The following CACNA1D variants were observed in gnomAD, a reference collection of about 807,000 sequenced individuals.
CACNA1D encodes the protein voltage-dependent L-type calcium channel subunit alpha-1D.
A neutral mutation model predicts 257.1 loss-of-function variants in CACNA1D; 55 were observed. That is an observed-to-expected ratio of 0.21 (90% CI 0.17 to 0.27). The LOEUF is 0.27. CACNA1D is among the 10% of genes least tolerant of loss of function. CACNA1D has a pLI of 1.00. For missense variants in CACNA1D, 1,876 were observed against 2,784.0 expected, an observed-to-expected ratio of 0.67 and a Z score of 7.34; for synonymous variants, 980 against 1,014.9, an observed-to-expected ratio of 0.97 and a Z score of 0.65.
chr3:53,781,523 C>A, intron 38 of CACNA1D, 43 bp from the exon 39 acceptor site: 1 of 1,332,396 alleles, frequency 7.5e-7, no homozygotes, highest in Non-Finnish European at 1.1e-6. Context: ...AGCTGGGGAA[C>A]AGAAATGAGG....
At position 53,495,257 on chromosome 3, in the gene CACNA1D, C is replaced by G; in HGVS notation, c.67+24C>G. 1.2e-6 allele frequency: 2 copies of G among 1,613,202 alleles called. No individual in the cohort carries two copies. Among genetic ancestry groups the G allele is most frequent in the Non-Finnish European group, 1.7e-6 (2 of 1,179,942 alleles). ...CGGTGAGCAGCCAGAGCCCGGGCAC[C>G]CGCTGCCAAATCCGATCCTGTCATG... On this transcript the variant is annotated intron_variant, in intron 1 of 47. Coordinates refer to ENST00000350061, the MANE Select transcript of CACNA1D (RefSeq NM_001128840.3). The surrounding 1 kb of genome is among the most constrained non-coding windows in gnomAD (Gnocchi z 5.1).
chr3:53,614,104 C>T (rs890533851), intron 3 of CACNA1D, among the ~76,000 whole-genome samples: 1 of 107,114 alleles, frequency 9.3e-6, no homozygotes, highest in Admixed American at 1.1e-4. Flanking sequence ...CCAGCCTAGG[C>T]AACATAGTGA....
chr3:53,648,148 G>C (rs11719110), intron 3 of CACNA1D, among the ~76,000 whole-genome samples: 22,041 of 152,054 alleles, frequency 0.14, 1,940 homozygotes, highest in Middle Eastern at 0.27. Flanking sequence ...CTGTCTTGAC[G>C]TAGGTATGTA....
intron 3 of CACNA1D, among the ~76,000 whole-genome samples, chr3:53,577,320 G>A (rs1284754537): frequency 6.6e-6 from 1 of 152,184 alleles, no homozygotes; most frequent in Admixed American, 6.5e-5. Context: ...TCGATTCCAG[G>A]GGGTGCTGGG....
intron 3 of CACNA1D, among the ~76,000 whole-genome samples, chr3:53,574,676 C>T (rs574061240): frequency 6.6e-6 from 1 of 151,652 alleles, no homozygotes; most frequent in Admixed American, 6.6e-5. Context: ...CACACTCACA[C>T]CCCCCAGCAG....
chr3:53,738,934 G>T (rs1439587187), intron 20 of CACNA1D, among the ~76,000 whole-genome samples: 2 of 151,854 alleles, frequency 1.3e-5, no homozygotes, highest in African/African-American at 4.8e-5. Context: ...GTAAGGAAAA[G>T]TTGGCTGAGG....
At chr3:53,692,090 A>G (rs1445545972) in intron 8 of CACNA1D, among the ~76,000 whole-genome samples, 2 of 150,028 alleles carry the variant, frequency 1.3e-5, no homozygotes, top group Non-Finnish European at 2.9e-5. Flanking sequence ...TCATTAGTGT[A>G]AAGTCCATGT....
intron 3 of CACNA1D, among the ~76,000 whole-genome samples, chr3:53,519,514 C>A (rs749198867): frequency 3.3e-5 from 5 of 152,152 alleles, no homozygotes; most frequent in African/African-American, 4.8e-5. Flanking sequence ...CAGCCAGGAT[C>A]AGATAATCAG....
At chr3:53,604,414 A>G (rs575016254) in intron 3 of CACNA1D, among the ~76,000 whole-genome samples, 1 of 152,326 alleles carries the variant, frequency 6.6e-6, no homozygotes, top group African/African-American at 2.4e-5. Context: ...ACCTGGGGCC[A>G]TGTGTTCAAT....
intron 3 of CACNA1D, among the ~76,000 whole-genome samples, chr3:53,639,996 G>A (rs2093932417): frequency 6.6e-6 from 1 of 151,374 alleles, no homozygotes; most frequent in African/African-American, 2.4e-5. Context: ...CAAGTAGCTG[G>A]GATTACAGAC....
At chr3:53,503,762 C>CTT (rs75095437) in intron 3 of CACNA1D, among the ~76,000 whole-genome samples, 5 of 141,958 alleles carry the variant, frequency 3.5e-5, no homozygotes, top group African/African-American at 5.1e-5. Context: ...AAGCTTTGAA[C>CTT]TTTTTTTTTT....
chr3:53,733,865 T>TA (rs11432907), intron 19 of CACNA1D, among the ~76,000 whole-genome samples: 16,810 of 145,962 alleles, frequency 0.12, 1,062 homozygotes, highest in South Asian at 0.22. Context: ...GGGTGTTCTT[T>TA]AAAAAAAAAA....
intron 35 of CACNA1D, among the ~76,000 whole-genome samples, chr3:53,776,355 G>T (rs2095397171): frequency 6.6e-6 from 1 of 152,166 alleles, no homozygotes; most frequent in African/African-American, 2.4e-5. Flanking sequence ...GAATTATTTG[G>T]TGATAATGAA....
At chr3:53,731,443 G>T (rs1179126390) in intron 17 of CACNA1D, among the ~76,000 whole-genome samples, 1 of 152,186 alleles carries the variant, frequency 6.6e-6, no homozygotes, top group African/African-American at 2.4e-5. Flanking sequence ...CCGTGGTCAG[G>T]ATCACGTTAG....
At chr3:53,796,218 C>T (rs901565356) in intron 40 of CACNA1D, 21 of 394,424 alleles carry the variant, frequency 5.3e-5, no homozygotes, top group African/African-American at 3.1e-4. Context: ...AACTTGTCAC[C>T]AGCGAGACGA....
intron 3 of CACNA1D, among the ~76,000 whole-genome samples, chr3:53,597,762 T>G (rs1393154364): frequency 6.6e-6 from 1 of 152,190 alleles, no homozygotes; most frequent in Non-Finnish European, 1.5e-5. Context: ...CCTGTCTCTC[T>G]GAGGGAGCTG....
intron 3 of CACNA1D, among the ~76,000 whole-genome samples, chr3:53,509,979 C>T (rs1466031212): frequency 6.6e-6 from 1 of 152,210 alleles, no homozygotes; most frequent in Non-Finnish European, 1.5e-5. Context: ...GTGTTTCTGC[C>T]TTCCAGCCCG....
chr3:53,773,221 G>A (rs1465070170), intron 33 of CACNA1D, among the ~76,000 whole-genome samples: 4 of 152,050 alleles, frequency 2.6e-5, no homozygotes, highest in Non-Finnish European at 5.9e-5. Flanking sequence ...GAAGCAAGTA[G>A]CCCCTCGTGG....
In CACNA1D at chr3:53,805,140, C is replaced by G. The variant is rs2095555703; in HGVS notation, c.5743C>G (p.Pro1915Ala). 6.2e-7 allele frequency: 1 copy of G among 1,613,722 alleles called. No homozygotes were observed. Among genetic ancestry groups the G allele is most frequent in the Non-Finnish European group, 8.5e-7 (1 of 1,180,002 alleles). The change falls in exon 45 of 48, where the codon CCA (proline) becomes GCA (alanine). Residue 1915 changes from proline (P) to alanine (A), a missense_variant. Pro to Ala is a conservative substitution (Grantham distance 27, BLOSUM62 -1). Coordinates refer to ENST00000350061, the MANE Select transcript of CACNA1D (RefSeq NM_001128840.3). Reference protein sequence around the residue: ...SPRRRLLPPTPASHRRSSFNF... With the variant: ...SPRRRLLPPTAASHRRSSFNF... ...AAGGAGACGCCTACTACCTCCCACCCCAGCATGTGAGGCCAGATTTTTTGT... is the reference window on the plus strand; with the variant it reads ...AAGGAGACGCCTACTACCTCCCACCGCAGCATGTGAGGCCAGATTTTTTGT...
Sources: gnomAD v4.1 joint callset for allele counts (sites outside exome capture counted in the v4.1 genomes callset) on GRCh38, gnomAD v4.1.1 for gene constraint, Gnocchi (gnomAD v3.1) non-coding constraint, MANE v1.5 for transcripts, NCBI Gene and HGNC (gene_info 2026-07-23, HGNC 2026-07-21) for gene names.